The following PCDH11X variants were observed in gnomAD, a reference collection of about 807,000 sequenced individuals.
PCDH11X encodes protocadherin 11 X-linked.
In PCDH11X, 18 loss-of-function variants were observed where a neutral mutation model predicts 53.3. The ratio of observed to expected loss-of-function variants is 0.34; its 90% CI spans 0.23 to 0.50. The LOEUF (loss-of-function observed/expected upper bound fraction) is 0.50, where lower values mean the gene tolerates loss of function less well. Among genes scored for constraint, PCDH11X ranks in the 20% least tolerant of loss-of-function variants. The pLI, the probability that PCDH11X is intolerant of heterozygous loss-of-function variation, is 0.98. For missense variants in PCDH11X, 570 were observed against 1,032.4 expected (o/e 0.55, Z 6.14); for synonymous variants, 279 against 393.3 (o/e 0.71, Z 3.44).
intron 6 of PCDH11X, among the ~76,000 whole-genome samples, chrX:91,897,254 G>A (rs1400048634): frequency 1.0e-5 from 1 of 96,127 alleles, no homozygotes; most frequent in East Asian, 3.5e-4. Flanking sequence ...TGTGTTGCAA[G>A]CCCTAGCTCT....
At chrX:92,408,460 A>AG (rs1382128928) in intron 9 of PCDH11X, among the ~76,000 whole-genome samples, 4 of 110,145 alleles carry the variant, frequency 3.6e-5, no homozygotes, top group African/African-American at 1.3e-4. Context: ...CTCATGTAGA[A>AG]GGGGGAAGAA....
At chrX:92,473,485 A>T (rs1220189094) in intron 10 of PCDH11X, among the ~76,000 whole-genome samples, 1 of 111,039 alleles carries the variant, frequency 9.0e-6, no homozygotes, top group Non-Finnish European at 1.9e-5. Context: ...TTCTTCTACT[A>T]ATATTGGATT....
At chrX:91,821,998 C>G (rs1011553397) in intron 4 of PCDH11X, among the ~76,000 whole-genome samples, 1 of 104,330 alleles carries the variant, frequency 9.6e-6, no homozygotes, top group Non-Finnish European at 1.9e-5. Context: ...GTATATTGAA[C>G]CAGCCTTGCA....
At chrX:92,615,082 T>C (rs1268940261) in intron 10 of PCDH11X, among the ~76,000 whole-genome samples, 1 of 111,348 alleles carries the variant, frequency 9.0e-6, no homozygotes, top group Non-Finnish European at 1.9e-5. Context: ...TACTAGTCCA[T>C]GTGAGCAAGT....
At chrX:92,069,016 C>T (rs2063658738) in intron 6 of PCDH11X, among the ~76,000 whole-genome samples, 1 of 110,115 alleles carries the variant, frequency 9.1e-6, no homozygotes. Flanking sequence ...CAGATTAAAT[C>T]TGAAGTTTCT....
At chrX:92,322,352 A>T (rs1371455225) in intron 8 of PCDH11X, among the ~76,000 whole-genome samples, 2 of 111,187 alleles carry the variant, frequency 1.8e-5, no homozygotes, top group East Asian at 5.7e-4. Context: ...AGTATTTACA[A>T]TGTACTTTCC....
intron 9 of PCDH11X, among the ~76,000 whole-genome samples, chrX:92,454,644 A>T (rs1169772619): frequency 1.9e-5 from 2 of 107,583 alleles, no homozygotes; most frequent in Non-Finnish European, 3.8e-5. Flanking sequence ...TGGGTTATAA[A>T]GAAGTCTGAG....
At chrX:92,113,476 G>A in intron 6 of PCDH11X, 2 of 1,203,885 alleles carry the variant, frequency 1.7e-6, no homozygotes, top group Non-Finnish European at 1.1e-6. Flanking sequence ...CAGCAGGTCA[G>A]TGGTAATCAA....
At chrX:91,948,806 A>G (rs1480546323) in intron 6 of PCDH11X, among the ~76,000 whole-genome samples, 2 of 110,199 alleles carry the variant, frequency 1.8e-5, no homozygotes, top group Non-Finnish European at 3.8e-5. Flanking sequence ...TATTACTAAG[A>G]GGAAACATCA....
chrX:92,580,460 G>T (rs1240099295), intron 10 of PCDH11X, among the ~76,000 whole-genome samples: 3 of 105,697 alleles, frequency 2.8e-5, no homozygotes, highest in East Asian at 5.7e-4. Flanking sequence ...CGACAATGAG[G>T]CCCGACTCAG....
At chrX:92,279,395 G>A (rs1016377052) in intron 8 of PCDH11X, among the ~76,000 whole-genome samples, 4 of 112,182 alleles carry the variant, frequency 3.6e-5, no homozygotes, top group Non-Finnish European at 7.5e-5. Flanking sequence ...AAATAAATGT[G>A]TAGTGGAGCA....
chrX:92,156,823 CACAT>C (rs1302013993), intron 6 of PCDH11X, among the ~76,000 whole-genome samples: 2 of 111,700 alleles, frequency 1.8e-5, no homozygotes, highest in East Asian at 5.6e-4. Flanking sequence ...TGGTTAAAAT[CACAT>C]ACAAAGAATC....
intron 6 of PCDH11X, among the ~76,000 whole-genome samples, chrX:92,147,854 T>TC (rs1467457236): frequency 0.027 from 1,548 of 56,420 alleles, 77 homozygotes; most frequent in African/African-American, 0.091. Flanking sequence ...TTTCTTTCTT[T>TC]TTTCTTTTCT....
chrX:92,590,385 GTT>G (rs1005235791), intron 10 of PCDH11X, among the ~76,000 whole-genome samples: 6 of 111,269 alleles, frequency 5.4e-5, no homozygotes, highest in African/African-American at 2.0e-4. Flanking sequence ...CCTGACCACA[GTT>G]TGTTAGTCCC....
intron 6 of PCDH11X, among the ~76,000 whole-genome samples, chrX:91,904,613 A>C (rs1941081890): frequency 9.0e-6 from 1 of 111,218 alleles, no homozygotes; most frequent in Admixed American, 9.6e-5. Flanking sequence ...TACCAACTCA[A>C]TGATAATAAG....
At chrX:91,966,672 A>G (rs2061868662) in intron 6 of PCDH11X, among the ~76,000 whole-genome samples, 1 of 111,842 alleles carries the variant, frequency 8.9e-6, no homozygotes, top group East Asian at 2.8e-4. Flanking sequence ...ATAAAATAAT[A>G]AAATTGCCTT....
intron 8 of PCDH11X, among the ~76,000 whole-genome samples, chrX:92,340,704 A>T (rs973873458): frequency 8.9e-6 from 1 of 111,971 alleles, no homozygotes; most frequent in Non-Finnish European, 1.9e-5. Flanking sequence ...ACACAAAACC[A>T]TTCTTTCCCC....
intron 10 of PCDH11X, among the ~76,000 whole-genome samples, chrX:92,518,748 ATTTTTTTTTTT>A (rs762759156): frequency 1.7e-5 from 1 of 59,441 alleles, no homozygotes; most frequent in African/African-American, 6.9e-5. Flanking sequence ...TACCAATAAA[ATTTTTTTTTTT>A]TTTTTTTTTT....
intron 8 of PCDH11X, among the ~76,000 whole-genome samples, chrX:92,275,255 A>G (rs58049277): frequency 0.088 from 9,010 of 102,344 alleles, 463 homozygotes; most frequent in South Asian, 0.24. Flanking sequence ...TTCTGACCGC[A>G]CTAACCATGC....
Sources: gnomAD v4.1 joint callset for allele counts (sites outside exome capture counted in the v4.1 genomes callset) on GRCh38, gnomAD v4.1.1 for gene constraint, MANE v1.5 for transcripts, NCBI Gene and HGNC (gene_info 2026-07-23, HGNC 2026-07-21) for gene names.